DBF4B: variants seen among roughly 807,000 people sequenced by gnomAD.
DBF4B encodes DBF4B-CDC7 kinase regulatory subunit.
In DBF4B, 49 loss-of-function variants were observed where a neutral mutation model predicts 53.4. The ratio of observed to expected loss-of-function variants is 0.92; its 90% confidence interval spans 0.73 to 1.16. The LOEUF (loss-of-function observed/expected upper bound fraction) is 1.16. Among genes scored for constraint, DBF4B ranks in the 50% most tolerant of loss-of-function variants. The pLI, the probability that DBF4B is intolerant of heterozygous loss-of-function variation, is 0.00. For synonymous variants in DBF4B, 257 were observed against 288.7 expected, an observed-to-expected ratio of 0.89 and a Z score of 1.11; for missense variants, 692 against 775.0, an observed-to-expected ratio of 0.89 and a Z score of 1.27.
intron 2 of DBF4B, chr17:44,720,143 T>C (rs968770557): frequency 1.1e-4 from 36 of 316,734 alleles, no homozygotes; most frequent in Non-Finnish European, 2.4e-5. Flanking sequence ...TGGCGCCCAG[T>C]GGTGATGATC....
In DBF4B at chr17:44,749,247, C is replaced by G; in HGVS notation, c.1189+782C>G. ...CTCTCCAGGTGCCCTGTCTCCCTGT[C>G]TCCCAGCCCTGGTCCCAACCCCAGC... On this transcript the variant is annotated intron_variant, in intron 13 of 13. Transcript: ENST00000315005. This position sits in a 1 kb window ranked among gnomAD's most constrained non-coding sequence, Gnocchi z 4.4. 1 of 1,290,580 alleles carries G rather than the reference C, an allele frequency of 7.7e-7. No individual in the cohort carries two copies. The highest frequency in any genetic ancestry group is 1.0e-6 in the Non-Finnish European group (1 of 988,894). 79.9% of individuals were successfully genotyped at this position (1,290,580 alleles called of 1,614,324 possible).
chr17:44,735,213 C>A (rs2145005353), intron 7 of DBF4B, among the ~76,000 whole-genome samples: 1 of 152,314 alleles, frequency 6.6e-6, no homozygotes, highest in East Asian at 1.9e-4. Context: ...ATTCAAAATT[C>A]AAAAGGGTAT....
In DBF4B at chr17:44,737,705, C is replaced by A. The variant is rs187372338; in HGVS notation, c.668-674C>A. Among the ~76,000 whole-genome samples, 37 of 152,198 alleles carry A rather than the reference C, an allele frequency of 2.4e-4. 1 individual carries two copies. The highest frequency in any genetic ancestry group is 2.2e-3 in the Admixed American group (33 of 15,278). On this transcript the variant is annotated intron_variant, in intron 8 of 13. Coordinates refer to ENST00000315005, the MANE Select transcript of DBF4B (RefSeq NM_145663.3). ...TGCCTAAGGGATTTTGTAAGCTATG[C>A]GAATAACTATCTAATAGGGGTGAGT... is the stretch of plus-strand genomic sequence containing the variant.
chr17:44,729,717 C>T (rs1568177332), intron 3 of DBF4B, among the ~76,000 whole-genome samples, 188 bp from the exon 4 acceptor site: 2 of 150,986 alleles, frequency 1.3e-5, no homozygotes, highest in Admixed American at 6.6e-5. Context: ...CACACACACA[C>T]ACACACACAC....
intron 2 of DBF4B, among the ~76,000 whole-genome samples, chr17:44,712,952 C>T (rs1203636106): frequency 6.6e-6 from 1 of 151,902 alleles, no homozygotes; most frequent in Non-Finnish European, 1.5e-5. Flanking sequence ...CTGCACCACA[C>T]ACAAACGCAC....
chr17:44,738,688 A>G (rs1256578685), intron 9 of DBF4B, among the ~76,000 whole-genome samples: 1 of 152,220 alleles, frequency 6.6e-6, no homozygotes. Flanking sequence ...AATTACCTCC[A>G]TTTAATACTC....
intron 1 of DBF4B, 100 bp from the exon 2 acceptor site, chr17:44,709,204 C>A: frequency 6.8e-7 from 1 of 1,469,440 alleles, no homozygotes; most frequent in Non-Finnish European, 9.5e-7. Context: ...TCCCAGGAGT[C>A]GCGTTTCTGT....
intron 2 of DBF4B, among the ~76,000 whole-genome samples, chr17:44,713,838 C>T (rs1241870819): frequency 6.6e-6 from 1 of 152,140 alleles, no homozygotes; most frequent in Non-Finnish European, 1.5e-5. Flanking sequence ...CGTTTTAGTA[C>T]TCCAGTCTGG....
Position 44,750,659 on chromosome 17 carries a change from T to C in DBF4B, c.1254T>C (p.Pro418=). ...WTESLDGVMG[P]PASHTCVSAT... ...AATCACTAGATGGTGTGATGGGACC[T>C]CCTGCAAGTCACACATGTGTGAGTG... Residue 418 remains proline (P), a synonymous_variant, in exon 14 of 14, where the codon CCT becomes CCC. Transcript: ENST00000315005. 4 of 1,614,028 alleles carry C rather than the reference T, an allele frequency of 2.5e-6. No individual in the cohort carries two copies. The highest frequency in any genetic ancestry group is 3.4e-6 in the Non-Finnish European group (4 of 1,180,024).
chr17:44,711,699 A>G (rs1972883976), intron 2 of DBF4B, among the ~76,000 whole-genome samples: 1 of 152,144 alleles, frequency 6.6e-6, no homozygotes, highest in African/African-American at 2.4e-5. Context: ...CTGTAATCCC[A>G]GCACTTTGGG....
In DBF4B at chr17:44,749,307, C is replaced by T; in HGVS notation, c.1189+842C>T. The stretch of plus-strand genomic sequence containing the variant: ...AGCCCCATGCTGGCAGAGAGCTGCT[C>T]CTACGAGTCCCCAAGGTGCTTGGCT... On this transcript the variant is annotated intron_variant, in intron 13 of 13. Coordinates refer to ENST00000315005, the MANE Select transcript of DBF4B (RefSeq NM_145663.3). This position sits in a 1 kb window ranked among gnomAD's most constrained non-coding sequence, Gnocchi z 4.4. 3 of 1,290,182 alleles carry T rather than the reference C, an allele frequency of 2.3e-6. No individual in the cohort carries two copies. Among genetic ancestry groups the T allele is most frequent in the Non-Finnish European group, 3.0e-6 (3 of 988,860 alleles). 79.9% of individuals were successfully genotyped at this position (1,290,182 alleles called of 1,614,324 possible).
rs1354702181 is a variant in DBF4B at position 44,710,023 on chromosome 17, A to C, written c.82+657A>C. Among the ~76,000 whole-genome samples, 4 of 151,902 alleles carry C rather than the reference A, an allele frequency of 2.6e-5. No individual in the cohort carries two copies. The East Asian group carries it at 7.7e-4, about 29-fold the overall frequency. On this transcript the variant is annotated intron_variant, in intron 2 of 13. Transcript: ENST00000315005. ...CCCATCTCTACTAAAAATACAAAAA[A>C]TTAGGCGGGCGTGGTGAGGCGTGCC...
At position 44,741,228 on chromosome 17, in the gene DBF4B, G is replaced by A. The variant is rs971301104; in HGVS notation, c.714-108G>A. 6 of 768,482 alleles carry A rather than the reference G, an allele frequency of 7.8e-6. No individual in the cohort carries two copies. The Admixed American group carries it at 7.9e-5, about 10-fold the overall frequency. 47.6% of individuals were successfully genotyped at this position (768,482 alleles called of 1,614,324 possible). Reference sequence around the variant, plus strand: ...GTTATAGAATTTAAAAGATGTGGAGGTGAGAGTCCACTTTATCAGGGCTGG... The same window carrying A: ...GTTATAGAATTTAAAAGATGTGGAGATGAGAGTCCACTTTATCAGGGCTGG... On this transcript the variant is annotated intron_variant, in intron 9 of 13. Coordinates refer to ENST00000315005, the MANE Select transcript of DBF4B (RefSeq NM_145663.3).
intron 6 of DBF4B, among the ~76,000 whole-genome samples, chr17:44,733,090 G>A (rs1216951368): frequency 2.0e-5 from 3 of 150,828 alleles, no homozygotes; most frequent in Admixed American, 6.6e-5. Context: ...GCGTGAACCT[G>A]GGAGGCGGAG....
intron 2 of DBF4B, among the ~76,000 whole-genome samples, chr17:44,710,117 G>A (rs1011810723): frequency 6.6e-6 from 1 of 151,862 alleles, no homozygotes; most frequent in Non-Finnish European, 1.5e-5. Context: ...AGGTTGCAGC[G>A]AGCCGAGATT....
Position 44,751,566 on chromosome 17 carries a change from C to G in DBF4B, c.*313C>G. The G allele has an allele frequency of 7.4e-7, 1 of 1,349,890 alleles. No homozygotes were observed. The allele number at this position is 1,349,890 out of a possible 1,614,324, so 83.6% of individuals were successfully genotyped here. ...GTTGGTTTCCTTCTCAGACTTGCCACCTTTCCCCTCTGCCCCAAAATGCCA... is the reference window on the plus strand; with the variant it reads ...GTTGGTTTCCTTCTCAGACTTGCCAGCTTTCCCCTCTGCCCCAAAATGCCA... On this transcript the variant is annotated 3_prime_UTR_variant, in exon 14 of 14. Transcript: ENST00000315005.
Position 44,736,799 on chromosome 17 carries a change from C to T in DBF4B, c.631-31C>T, listed in dbSNP as rs760872439. The T allele has an allele frequency of 4.3e-6, 7 of 1,613,882 alleles. No individual in the cohort carries two copies. The Admixed American group carries it at 6.7e-5, about 15-fold the overall frequency. On this transcript the variant is annotated intron_variant, in intron 7 of 13. Coordinates refer to ENST00000315005, the MANE Select transcript of DBF4B (RefSeq NM_145663.3). ...TTCCTTGACCCCCGTGGCTTCCTCA[C>T]ATCCTTAACCTATTTTTCCTTTCCA...
At position 44,738,361 on chromosome 17, in the gene DBF4B, G is replaced by A. The variant is rs1014836004; in HGVS notation, c.668-18G>A. 3 of 1,612,480 alleles carry A rather than the reference G, an allele frequency of 1.9e-6. No homozygotes were observed. In the African/African-American group the frequency reaches 4.0e-5, roughly 22 times the overall value. On this transcript the variant is annotated intron_variant, in intron 8 of 13. Coordinates refer to ENST00000315005, the MANE Select transcript of DBF4B (RefSeq NM_145663.3). ...AGGGGCAGACAGATAGCTGATGTGT[G>A]CATTCTTCCCCTTTCAGTGGCCAGA...
chr17:44,725,760 C>T (rs976115390), intron 3 of DBF4B, among the ~76,000 whole-genome samples: 15 of 146,474 alleles, frequency 1.0e-4, no homozygotes, highest in African/African-American at 3.9e-4. Flanking sequence ...GGTCATGGCT[C>T]ACTACAGCTT....
Sources: allele counts gnomAD v4.1 joint callset (sites outside exome capture counted in the v4.1 genomes callset), GRCh38; gene constraint gnomAD v4.1.1; non-coding constraint Gnocchi (gnomAD v3.1); transcripts MANE v1.5; gene names NCBI Gene and HGNC (gene_info 2026-07-23, HGNC 2026-07-21).